The following GK variants were observed in gnomAD, a reference collection of about 807,000 sequenced individuals.
GK encodes ATP:glycerol 3-phosphotransferase.
Under a neutral mutation model 56.4 loss-of-function variants are expected in GK, and 9 were observed. The ratio of observed to expected loss-of-function variants is 0.16; its 90% CI spans 0.10 to 0.28. GK has a LOEUF of 0.28. Ranked by LOEUF, GK falls within the 10% of genes least tolerant of loss-of-function variation. The pLI is 1.00. For synonymous variants in GK, 104 were observed against 144.1 expected (o/e 0.72, Z 1.99); for missense variants, 161 against 431.4 (o/e 0.37, Z 5.55).
Position 30,729,024 on chromosome X carries a change from G to A in GK, c.*282G>A. ...ACCCCCTCCATTGCCATAACATCCT[G>A]CTCCATTCCCTCTAAGATGTAGGAA... On this transcript the variant is annotated 3_prime_UTR_variant, in exon 21 of 21. Transcript: ENST00000427190. 2.9e-6 allele frequency: 1 copy of A among 350,583 alleles called. No individual in the cohort carries two copies. Among genetic ancestry groups the A allele is most frequent in the Non-Finnish European group, 5.0e-6 (1 of 199,913 alleles). The allele number at this position is 350,583 out of a possible 1,213,427, so 28.9% of individuals were successfully genotyped here.
At chrX:30,682,185 T>C (rs1204601646) in intron 4 of GK, among the ~76,000 whole-genome samples, 3 of 111,667 alleles carry the variant, frequency 2.7e-5, no homozygotes, top group Non-Finnish European at 5.6e-5. Flanking sequence ...AGTGTTGAAC[T>C]TGTAATAGAA....
At chrX:30,721,092 A>G in intron 18 of GK, 97 bp downstream of exon 18, 3 of 844,831 alleles carry the variant, frequency 3.6e-6, no homozygotes. Context: ...TTAAGGAACC[A>G]AGTAAAATAG....
At chrX:30,713,108 C>CAT (rs1336078353) in intron 13 of GK, among the ~76,000 whole-genome samples, 5 of 111,553 alleles carry the variant, frequency 4.5e-5, no homozygotes, top group Non-Finnish European at 9.4e-5. Flanking sequence ...TCCATTAAGC[C>CAT]ATATAGCCTC....
At chrX:30,670,508 C>A (rs1933409031) in intron 3 of GK, among the ~76,000 whole-genome samples, 1 of 111,859 alleles carries the variant, frequency 8.9e-6, no homozygotes, top group Admixed American at 9.5e-5. Context: ...CTGAGCCAAA[C>A]TGACCCAGCA....
At chrX:30,662,805 TTCCTTC>T (rs1184267638) in intron 1 of GK, among the ~76,000 whole-genome samples, 10 of 82,870 alleles carry the variant, frequency 1.2e-4, no homozygotes, top group Admixed American at 5.7e-4. Flanking sequence ...CCTTCCTTCC[TTCCTTC>T]TCTCTCTCTC....
intron 9 of GK, among the ~76,000 whole-genome samples, chrX:30,699,322 A>T (rs201595079): frequency 9.8e-5 from 8 of 81,619 alleles, no homozygotes; most frequent in Admixed American, 1.4e-4. Flanking sequence ...AACATGTTAT[A>T]TATATATATA....
rs969090124 is a variant in GK at position 30,665,578 on chromosome X, G to A, written c.146G>A (p.Arg49Lys). 5 of 1,078,118 alleles carry A rather than the reference G, an allele frequency of 4.6e-6. No homozygotes were observed. Among genetic ancestry groups the A allele is most frequent in the Non-Finnish European group, 6.5e-6 (5 of 774,993 alleles). 88.8% of individuals were successfully genotyped at this position (1,078,118 alleles called of 1,213,427 possible). The change falls in exon 2 of 21, where the codon AGA becomes AAA. Residue 49 changes from arginine (R) to lysine (K), a missense_variant. Physicochemically the swap from Arg to Lys is conservative, Grantham distance 26 (BLOSUM62 2). Coordinates refer to ENST00000427190, the MANE Select transcript of GK (RefSeq NM_001205019.2). The stretch of plus-strand genomic sequence containing the variant: ...GTAGAAATAAAACAAGAGTTCCCAA[G>A]AGAAGGGTATGTTTCCTAATTTAAT... ...HQVEIKQEFPREGWVEQDPKE... is the reference protein window; with the variant it reads ...HQVEIKQEFPKEGWVEQDPKE...
At chrX:30,717,394 A>G (rs780050798) in intron 13 of GK, among the ~76,000 whole-genome samples, 5 of 110,551 alleles carry the variant, frequency 4.5e-5, no homozygotes, top group Admixed American at 9.7e-5. Flanking sequence ...AATGGTTTAT[A>G]GTAATACTAT....
At chrX:30,662,912 C>T (rs1395625100) in intron 1 of GK, among the ~76,000 whole-genome samples, 4 of 97,975 alleles carry the variant, frequency 4.1e-5, no homozygotes, top group Non-Finnish European at 6.1e-5. Flanking sequence ...TTCGTAGTTT[C>T]GCTCTTGTGT....
At chrX:30,710,392 A>G (rs1394948266) in intron 13 of GK, among the ~76,000 whole-genome samples, 1 of 111,737 alleles carries the variant, frequency 8.9e-6, no homozygotes, top group Admixed American at 9.5e-5. Context: ...TACGCATACT[A>G]ATATGTTAAC....
chrX:30,695,609 T>C (rs1935196255), intron 6 of GK, among the ~76,000 whole-genome samples: 1 of 112,707 alleles, frequency 8.9e-6, no homozygotes, highest in African/African-American at 3.2e-5. Context: ...GAATTGTTAT[T>C]TAAACAACAA....
At chrX:30,678,514 G>C (rs1934065174) in intron 4 of GK, among the ~76,000 whole-genome samples, 1 of 111,144 alleles carries the variant, frequency 9.0e-6, no homozygotes, top group Admixed American at 9.7e-5. Flanking sequence ...GGATAATTTT[G>C]GGGGAATAAT....
At chrX:30,716,977 A>C (rs867601602) in intron 13 of GK, among the ~76,000 whole-genome samples, 12 of 112,250 alleles carry the variant, frequency 1.1e-4, no homozygotes, top group African/African-American at 3.9e-4. Flanking sequence ...CATATATAAA[A>C]ATGTATAAAC....
chrX:30,683,325 G>A (rs976508323), intron 4 of GK, among the ~76,000 whole-genome samples: 3 of 110,870 alleles, frequency 2.7e-5, no homozygotes, highest in African/African-American at 9.8e-5. Flanking sequence ...CAAAGTGCTG[G>A]GATTACAGGT....
intron 1 of GK, among the ~76,000 whole-genome samples, chrX:30,664,309 C>G (rs1932925972): frequency 9.6e-6 from 1 of 104,598 alleles, no homozygotes; most frequent in South Asian, 4.1e-4. Context: ...AAGCAGTTCT[C>G]CTGCCTCAGC....
chrX:30,684,666 CAAAAAAAAAAAAAAAAAAAA>C (rs60771873), intron 4 of GK, among the ~76,000 whole-genome samples: 1 of 32,404 alleles, frequency 3.1e-5, no homozygotes, highest in African/African-American at 1.3e-4. Context: ...AACTCCATCT[CAAAAAAAAAAAAAAAAAAAA>C]AAAAAAAAGC....
At chrX:30,655,189 T>A (rs1471254297) in intron 1 of GK, among the ~76,000 whole-genome samples, 477 of 112,432 alleles carry the variant, frequency 4.2e-3, no homozygotes, top group Non-Finnish European at 7.2e-3. Context: ...AGGTTTCACT[T>A]TGTCTTATAT....
intron 10 of GK, 80 bp downstream of exon 10, chrX:30,700,529 C>T (rs375315650): frequency 1.1e-4 from 93 of 835,527 alleles, no homozygotes; most frequent in Non-Finnish European, 1.4e-4. Flanking sequence ...CATCAGTGTG[C>T]CTCTTTTTAA....
At chrX:30,692,765 C>A (rs1935029220) in intron 5 of GK, among the ~76,000 whole-genome samples, 1 of 109,239 alleles carries the variant, frequency 9.2e-6, no homozygotes, top group African/African-American at 3.4e-5. Context: ...CGGCCTCCTT[C>A]CATTATTTTT....
Sources: gnomAD v4.1 joint callset for allele counts (sites outside exome capture counted in the v4.1 genomes callset) on GRCh38, gnomAD v4.1.1 for gene constraint, MANE v1.5 for transcripts, NCBI Gene and HGNC (gene_info 2026-07-23, HGNC 2026-07-21) for gene names.